The following TRO variants were observed in gnomAD, a reference collection of about 807,000 sequenced individuals.
The protein encoded by TRO is trophinin, also known as MAGE superfamily protein.
TRO carries 29 observed loss-of-function variants against 42.3 expected under a neutral mutation model. The observed-to-expected ratio is 0.68, with a 90% confidence interval of 0.51 to 0.93. The LOEUF is 0.93. Ranked by LOEUF, TRO falls within the 40% of genes least tolerant of loss-of-function variation. The pLI, the probability that TRO is intolerant of heterozygous loss-of-function variation, is 0.00. For missense variants in TRO, 963 were observed against 1,127.7 expected (o/e 0.85, Z 2.09); for synonymous variants, 384 against 425.2 (o/e 0.90, Z 1.19).
chrX:54,925,499 CCT>C (rs1471458329), intron 6 of TRO, 91 bp from the exon 7 acceptor site: 3 of 738,615 alleles, frequency 4.1e-6, no homozygotes, highest in Non-Finnish European at 6.1e-6. Flanking sequence ...ATGCAGACCC[CCT>C]AAGTACACTG....
Position 54,927,786 on chromosome X carries a change from G to A in TRO, c.1878+5G>A, listed in dbSNP as rs1199189498. 3.3e-6 allele frequency: 4 copies of A among 1,200,104 alleles called. No individual in the cohort carries two copies. In the Admixed American group the frequency reaches 8.8e-5, roughly 26 times the overall value. ...GTCCTCAAGTTTGCATGCAGGGTAA[G>A]AGGAGAGCTGCCCGAGCTTGGCATA... On this transcript the variant is annotated splice_donor_5th_base_variant and intron_variant, in intron 11 of 12. Coordinates refer to ENST00000173898, the MANE Select transcript of TRO (RefSeq NM_001039705.3).
At position 54,923,092 on chromosome X, in the gene TRO, C is replaced by T; in HGVS notation, c.560C>T (p.Ala187Val). ...TCACAGAATATTCACGCTCCAATTGCCAATGAGTCAGCCAGTTCCCAAGCC... is the reference window on the plus strand; with the variant it reads ...TCACAGAATATTCACGCTCCAATTGTCAATGAGTCAGCCAGTTCCCAAGCC... ...VISQNIHAPI[A>V]NESASSQALI... The change falls in exon 3 of 13, where the codon GCC becomes GTC. Residue 187 changes from alanine (A) to valine (V), a missense_variant. Physicochemically the swap from Ala to Val is moderately conservative, Grantham distance 64. This residue lies in a region of TRO where 322 missense variants were observed against 316.5 expected (regional missense o/e 1.02). Transcript: ENST00000173898. 8.3e-7 allele frequency: 1 copy of T among 1,211,839 alleles called. No individual in the cohort carries two copies. The highest frequency in any genetic ancestry group is 1.1e-6 in the Non-Finnish European group (1 of 895,590).
intron 7 of TRO, 61 bp from the exon 8 acceptor site, chrX:54,926,349 A>G (rs1932753822): frequency 1.8e-6 from 2 of 1,128,633 alleles, no homozygotes; most frequent in Non-Finnish European, 2.4e-6. Flanking sequence ...CTGCTGAAAC[A>G]TAAACCTTCT....
At chrX:54,924,341 G>T (rs769508206) in intron 3 of TRO, 110 bp from the exon 4 acceptor site, 11 of 707,123 alleles carry the variant, frequency 1.6e-5, no homozygotes, top group Non-Finnish European at 2.3e-5. Context: ...CTACAGCAAG[G>T]CTGAGGGAGG....
chrX:54,927,930 A>G (rs1932824435), intron 11 of TRO, 149 bp downstream of exon 11: 1 of 438,038 alleles, frequency 2.3e-6, no homozygotes, highest in East Asian at 3.8e-5. Context: ...GGGTGCTGCT[A>G]GATATATAGT....
intron 11 of TRO, 40 bp downstream of exon 11, chrX:54,927,821 T>C (rs1932819631): frequency 1.8e-6 from 2 of 1,110,792 alleles, no homozygotes; most frequent in Non-Finnish European, 2.5e-6. Context: ...ATTAAGGCAA[T>C]GGGATACCCT....
Position 54,930,295 on chromosome X carries a change from C to G in TRO, c.3571C>G (p.Pro1191Ala), listed in dbSNP as rs1344172743. 8.3e-7 allele frequency: 1 copy of G among 1,211,661 alleles called. No homozygotes were observed. Reference sequence around the variant, plus strand: ...TACCAGCCCTAGTTTTTGTGATGGACCCAGCACCAGTACCGGTTTCAGCTT... The same window carrying G: ...TACCAGCCCTAGTTTTTGTGATGGAGCCAGCACCAGTACCGGTTTCAGCTT... The part of the protein sequence containing the change: ...GATSPSFCDG[P>A]STSTGFSFGN... Residue 1191 changes from proline to alanine, a missense_variant, in exon 12 of 13, where the codon CCC (proline) becomes GCC (alanine). By Grantham distance (27) the Pro-to-Ala change is conservative. This residue lies in a region of TRO where 641 missense variants were observed against 811.3 expected (regional missense o/e 0.79). Coordinates refer to ENST00000173898, the MANE Select transcript of TRO (RefSeq NM_001039705.3).
At position 54,923,067 on chromosome X, in the gene TRO, T is replaced by C. The variant is rs1381296542; in HGVS notation, c.535T>C (p.Ser179Pro). 1 of 1,210,283 alleles carries C rather than the reference T, an allele frequency of 8.3e-7. No individual in the cohort carries two copies. Among genetic ancestry groups the C allele is most frequent in the South Asian group, 1.8e-5 (1 of 56,782 alleles). ...GCAGGTCCTAAAGCTACCAGTCATC[T>C]CACAGAATATTCACGCTCCAATTGC... is the stretch of plus-strand genomic sequence containing the variant. ...PLQVLKLPVI[S>P]QNIHAPIANE... is the part of the protein sequence containing the mutation. The change falls in exon 3 of 13, where the codon TCA becomes CCA. Residue 179 changes from serine to proline, a missense_variant. Ser to Pro is a moderately conservative substitution (Grantham distance 74). Transcript: ENST00000173898.
At chrX:54,925,515 G>A in intron 6 of TRO, 77 bp from the exon 7 acceptor site, 2 of 894,012 alleles carry the variant, frequency 2.2e-6, no homozygotes, top group Non-Finnish European at 3.2e-6. Context: ...TACACTGGGA[G>A]TTTTAGGATG....
intron 6 of TRO, among the ~76,000 whole-genome samples, 170 bp downstream of exon 6, chrX:54,925,238 A>G (rs747607515): frequency 1.8e-5 from 2 of 110,526 alleles, no homozygotes; most frequent in East Asian, 5.8e-4. Context: ...TGGGTCACAC[A>G]GCATGTCAGT....
rs768357014 is a variant in TRO at position 54,928,974 on chromosome X, C to T, written c.2250C>T (p.Gly750=). The T allele has an allele frequency of 4.9e-5, 59 of 1,211,082 alleles. No individual in the cohort carries two copies. The Admixed American group carries it at 1.3e-3, about 26-fold the overall frequency. ...ATGGTGCACCCAGCTCCAGTGGTGG[C>T]TTCAGTGGTGGACCTGGCATTACCT... ...SFNGAPSSSG[G]FSGGPGITFG... is the part of the protein sequence containing the mutation. The change falls in exon 12 of 13, where the codon GGC becomes GGT. Residue 750 remains glycine (G), a synonymous_variant. Transcript: ENST00000173898.
chrX:54,929,696 G>A lies in TRO; in HGVS notation c.2972G>A (p.Gly991Asp). The A allele has an allele frequency of 1.7e-6, 2 of 1,211,253 alleles. No homozygotes were observed. Among genetic ancestry groups the A allele is most frequent in the Non-Finnish European group, 2.2e-6 (2 of 895,326 alleles). ...SVLNTSTGFGGAMSTSADFGG... is the reference protein window; with the variant it reads ...SVLNTSTGFGDAMSTSADFGG... ...CTCAACACCAGTACTGGTTTTGGTG[G>A]TGCTATGAGCACCAGTGCTGACTTT... is the stretch of plus-strand genomic sequence containing the variant. Residue 991 changes from glycine to aspartate, a missense_variant, in exon 12 of 13, where the codon GGT becomes GAT. Gly to Asp is a moderately conservative substitution (Grantham distance 94). Transcript: ENST00000173898.
At position 54,929,447 on chromosome X, in the gene TRO, G is replaced by C. The variant is rs769935688; in HGVS notation, c.2723G>C (p.Ser908Thr). The part of the protein sequence containing the change: ...CFGGSPSSSG[S>T]FGGTLSTSIC... ...GGTGGCTCTCCCAGCTCCAGTGGTA[G>C]CTTTGGTGGTACACTCAGTACCAGT... Residue 908 changes from serine (S) to threonine (T), a missense_variant, in exon 12 of 13, where the codon AGC becomes ACC. Physicochemically the swap from Ser to Thr is moderately conservative, Grantham distance 58. Coordinates refer to ENST00000173898, the MANE Select transcript of TRO (RefSeq NM_001039705.3). The C allele has an allele frequency of 1.5e-5, 18 of 1,211,288 alleles. No homozygotes were observed. The East Asian group carries it at 5.3e-4, about 36-fold the overall frequency.
intron 6 of TRO, 69 bp downstream of exon 6, chrX:54,925,137 C>T (rs1932594337): frequency 9.9e-7 from 1 of 1,006,450 alleles, no homozygotes; most frequent in Non-Finnish European, 1.4e-6. Flanking sequence ...ATACATGTCC[C>T]TTTTGGAGAG....
rs1460523717 is a variant in TRO at position 54,929,762 on chromosome X, C to T, written c.3038C>T (p.Pro1013Leu). ...LSTSVCFGGSPGTSVSFGSAL... is the reference protein window; with the variant it reads ...LSTSVCFGGSLGTSVSFGSAL... ...ACCAGTGTCTGCTTTGGTGGCTCTC[C>T]TGGCACCAGTGTCAGCTTTGGCAGT... is the stretch of plus-strand genomic sequence containing the variant. Residue 1013 changes from proline (P) to leucine (L), a missense_variant, in exon 12 of 13, where the codon CCT becomes CTT. Pro to Leu is a moderately conservative substitution (Grantham distance 98). This residue lies in a region of TRO where 641 missense variants were observed against 811.3 expected (regional missense o/e 0.79). Coordinates refer to ENST00000173898, the MANE Select transcript of TRO (RefSeq NM_001039705.3). 1 of 1,210,995 alleles carries T rather than the reference C, an allele frequency of 8.3e-7. No homozygotes were observed. Among genetic ancestry groups the T allele is most frequent in the Admixed American group, 2.2e-5 (1 of 46,037 alleles).
chrX:54,929,648 C>G lies in TRO; in HGVS notation c.2924C>G (p.Thr975Ser). ...GCTGGCTTTGGTGGTGCTCTCAACA[C>G]CAGTGCCAGCTTTGGCAGTGTGCTC... The part of the protein sequence containing the change: ...TGAGFGGALN[T>S]SASFGSVLNT... Residue 975 changes from threonine to serine, a missense_variant, in exon 12 of 13, where the codon ACC (threonine) becomes AGC (serine). Transcript: ENST00000173898. The G allele has an allele frequency of 8.3e-7, 1 of 1,211,579 alleles. No homozygotes were observed. Among genetic ancestry groups the G allele is most frequent in the Middle Eastern group, 2.3e-4 (1 of 4,349 alleles).
At chrX:54,927,876 C>T in intron 11 of TRO, 95 bp downstream of exon 11, 1 of 642,943 alleles carries the variant, frequency 1.6e-6, no homozygotes, top group Non-Finnish European at 2.4e-6. Flanking sequence ...TACAGAGCAG[C>T]CTGCAGCTCA....
At chrX:54,924,772 C>T (rs767524438) in intron 5 of TRO, 39 bp downstream of exon 5, 2 of 1,162,135 alleles carry the variant, frequency 1.7e-6, no homozygotes, top group East Asian at 6.0e-5. Context: ...GCTCTCCTCT[C>T]CACTCCCCTC....
chrX:54,928,857 C>T lies in TRO; in HGVS notation c.2133C>T (p.Ala711=). 12 of 1,211,501 alleles carry T rather than the reference C, an allele frequency of 9.9e-6. No homozygotes were observed. The highest frequency in any genetic ancestry group is 1.2e-5 in the Non-Finnish European group (11 of 895,361). ...SRFSFEIEAR[A]QENADASTNV... is the part of the protein sequence containing the mutation. ...TTTCATTTGAAATTGAGGCCAGAGC[C>T]CAAGAAAATGCAGATGCCAGCACCA... Residue 711 remains alanine (A), a synonymous_variant, in exon 12 of 13, where the codon GCC becomes GCT. Transcript: ENST00000173898.
Sources: gnomAD v4.1 joint callset for allele counts (sites outside exome capture counted in the v4.1 genomes callset) on GRCh38, gnomAD v4.1.1 for gene constraint, gnomAD v4.1.1 regional missense constraint, MANE v1.5 for transcripts, NCBI Gene and HGNC (gene_info 2026-07-23, HGNC 2026-07-21) for gene names.